The following MGAT5 variants were observed in gnomAD, a reference collection of about 807,000 sequenced individuals.
MGAT5 encodes alpha-1,6-mannosylglycoprotein 6-beta-N-acetylglucosaminyltransferase, also known as alpha-1,6-mannosylglycoprotein 6-beta-N-acetylglucosaminyltransferase A.
In MGAT5, 30 loss-of-function variants were observed where a neutral mutation model predicts 94.3. That is an observed-to-expected ratio of 0.32 (90% CI 0.24 to 0.43). MGAT5 has a LOEUF of 0.43. MGAT5 is among the 20% of genes least tolerant of loss of function. MGAT5 has a pLI of 1.00. For missense variants in MGAT5, 691 were observed against 905.5 expected (o/e 0.76, Z 3.04); for synonymous variants, 310 against 322.9 (o/e 0.96, Z 0.43).
intron 1 of MGAT5, among the ~76,000 whole-genome samples, chr2:134,261,589 T>G (rs896150011): frequency 6.6e-6 from 1 of 152,224 alleles, no homozygotes; most frequent in African/African-American, 2.4e-5. Context: ...TCAGAGAAGT[T>G]AGCCTTCCCT....
chr2:134,386,702 G>A (rs1415917044), intron 10 of MGAT5, among the ~76,000 whole-genome samples: 1 of 152,180 alleles, frequency 6.6e-6, no homozygotes, highest in Admixed American at 6.5e-5. Context: ...CTGAAGCTGT[G>A]TCTAGTCTTT....
intron 1 of MGAT5, among the ~76,000 whole-genome samples, chr2:134,145,971 G>C (rs1014492943): frequency 2.6e-5 from 4 of 152,148 alleles, no homozygotes; most frequent in Non-Finnish European, 4.4e-5. Flanking sequence ...CTGTTAGACT[G>C]TTTTTTAAGG....
At chr2:134,169,415 C>CAG (rs5834401) in intron 1 of MGAT5, among the ~76,000 whole-genome samples, 7,031 of 58,010 alleles carry the variant, frequency 0.12, 333 homozygotes, top group African/African-American at 0.19. Flanking sequence ...CACACACAGA[C>CAG]ACACACACAC....
intron 11 of MGAT5, among the ~76,000 whole-genome samples, chr2:134,411,904 T>C (rs1259443031): frequency 5.9e-5 from 9 of 152,194 alleles, no homozygotes; most frequent in Admixed American, 5.9e-4. Flanking sequence ...TCTCACTTAA[T>C]GTGCCCCTGG....
Position 134,242,152 on chromosome 2 carries a change from C to T in MGAT5, c.-142-12110C>T, listed in dbSNP as rs1682007977. On this transcript the variant is annotated intron_variant, in intron 1 of 16. Coordinates refer to the MGAT5 transcript ENST00000409645. The stretch of plus-strand genomic sequence containing the variant: ...TTATAAAACAACAAAAACTCAAACC[C>T]CCATGATGTTGAACTTTGAGCAGTG... Among the ~76,000 whole-genome samples the T allele has an allele frequency of 1.3e-5, 2 of 152,262 alleles. 1 individual carries two copies. Among genetic ancestry groups the T allele is most frequent in the East Asian group, 3.9e-4 (2 of 5,184 alleles).
chr2:134,155,746 G>A (rs1348911169), intron 1 of MGAT5, among the ~76,000 whole-genome samples: 2 of 152,038 alleles, frequency 1.3e-5, no homozygotes, highest in Non-Finnish European at 2.9e-5. Context: ...TAGCCACACT[G>A]GCTCTTTCAG....
At chr2:134,379,297 G>A (rs1011624846) in intron 10 of MGAT5, among the ~76,000 whole-genome samples, 2 of 152,080 alleles carry the variant, frequency 1.3e-5, no homozygotes, top group African/African-American at 2.4e-5. Context: ...TAGTATTCCC[G>A]TCTCCAAGAT....
At chr2:134,293,531 C>T (rs775423329) in intron 2 of MGAT5, among the ~76,000 whole-genome samples, 9 of 151,822 alleles carry the variant, frequency 5.9e-5, no homozygotes, top group African/African-American at 2.4e-5. Flanking sequence ...TGTAGTGGTG[C>T]GATCTGGGTT....
intron 4 of MGAT5, among the ~76,000 whole-genome samples, chr2:134,323,763 C>CA (rs1184986114): frequency 1.3e-5 from 2 of 151,978 alleles, no homozygotes; most frequent in African/African-American, 2.4e-5. Flanking sequence ...CCTACGCCTC[C>CA]AAAAAAACAC....
rs113194173 is a variant in MGAT5, at chr2:134,278,153, G to T, written c.406+7603G>T. Reference sequence around the variant, plus strand: ...ATGTTTACCGAAAATTCTTCTCATTGTTGGTATAGTTTTCACTTTGTGTTG... The same window carrying T: ...ATGTTTACCGAAAATTCTTCTCATTTTTGGTATAGTTTTCACTTTGTGTTG... On this transcript the variant is annotated intron_variant, in intron 2 of 15. Transcript: ENST00000281923. Among the ~76,000 whole-genome samples the T allele has an allele frequency of 2.2e-3, 330 of 152,310 alleles. 3 individuals are homozygous for T. The highest frequency in any genetic ancestry group is 7.5e-3 in the African/African-American group (310 of 41,572).
chr2:134,391,943 G>A (rs932660323), intron 10 of MGAT5, among the ~76,000 whole-genome samples: 1 of 152,152 alleles, frequency 6.6e-6, no homozygotes, highest in African/African-American at 2.4e-5. Flanking sequence ...CCAGCAAAGG[G>A]CAATGTCAAA....
intron 1 of MGAT5, among the ~76,000 whole-genome samples, chr2:134,134,697 T>TG (rs766805186): frequency 3.9e-5 from 6 of 152,012 alleles, no homozygotes; most frequent in Non-Finnish European, 8.8e-5. Flanking sequence ...ATCAGCAATT[T>TG]GGGGGGGCAA....
chr2:134,249,825 T>G (rs554053118), upstream of MGAT5, among the ~76,000 whole-genome samples: 2 of 152,380 alleles, frequency 1.3e-5, no homozygotes, highest in South Asian at 4.1e-4. Flanking sequence ...TGTTTAACTA[T>G]TTGAGGTACT....
chr2:134,140,162 C>A (rs1277945876), intron 1 of MGAT5, among the ~76,000 whole-genome samples: 3 of 152,206 alleles, frequency 2.0e-5, no homozygotes, highest in Middle Eastern at 3.2e-3. Flanking sequence ...CTCTGGCTGT[C>A]TTTATGAATG....
intron 1 of MGAT5, among the ~76,000 whole-genome samples, chr2:134,161,392 C>A (rs769481592): frequency 2.0e-5 from 3 of 152,182 alleles, no homozygotes; most frequent in Non-Finnish European, 4.4e-5. Flanking sequence ...GCCTAGAAGA[C>A]ATATTTCTGG....
intron 10 of MGAT5, among the ~76,000 whole-genome samples, chr2:134,380,282 A>G (rs1225140298): frequency 6.6e-6 from 1 of 152,350 alleles, no homozygotes; most frequent in African/African-American, 2.4e-5. Flanking sequence ...CGCACGTGGC[A>G]TAGTTTCTTC....
intron 1 of MGAT5, among the ~76,000 whole-genome samples, chr2:134,234,846 A>C (rs1039865408): frequency 6.6e-6 from 1 of 152,246 alleles, no homozygotes; most frequent in African/African-American, 2.4e-5. Context: ...AGGTGGACTG[A>C]GCAGGTGAGT....
At chr2:134,356,809 A>G (rs1679773653) in intron 9 of MGAT5, among the ~76,000 whole-genome samples, 1 of 152,110 alleles carries the variant, frequency 6.6e-6, no homozygotes, top group Admixed American at 6.5e-5. Context: ...ATCTCCTGGA[A>G]CATTCTTCTT....
chr2:134,332,765 G>T (rs1054453818), intron 4 of MGAT5, among the ~76,000 whole-genome samples: 1 of 152,168 alleles, frequency 6.6e-6, no homozygotes, highest in Non-Finnish European at 1.5e-5. Flanking sequence ...CCATCAAAAA[G>T]TGGGCGAAGG....
Sources: gnomAD v4.1 joint callset for allele counts (sites outside exome capture counted in the v4.1 genomes callset) on GRCh38, gnomAD v4.1.1 for gene constraint, MANE v1.5 for transcripts, NCBI Gene and HGNC (gene_info 2026-07-23, HGNC 2026-07-21) for gene names.